SPPL2A: variants seen among roughly 807,000 people sequenced by gnomAD.
SPPL2A encodes signal peptide peptidase-like 2A.
SPPL2A carries 51 observed loss-of-function variants against 63.8 expected under a neutral mutation model. The ratio of observed to expected loss-of-function variants is 0.80; its 90% CI spans 0.64 to 1.01. The LOEUF is 1.01. Ranked by LOEUF, SPPL2A falls within the 50% of genes least tolerant of loss-of-function variation. The probability of loss-of-function intolerance (pLI) is 0.00; values close to 1 mark genes in which losing one functional copy is unlikely to be tolerated. For synonymous variants in SPPL2A, 188 were observed against 205.8 expected, an observed-to-expected ratio of 0.91 and a Z score of 0.74; for missense variants, 553 against 622.7, an observed-to-expected ratio of 0.89 and a Z score of 1.19.
At position 50,722,112 on chromosome 15, in the gene SPPL2A, A is replaced by T; in HGVS notation, c.1327+12T>A. On this transcript the variant is annotated intron_variant, in intron 13 of 14. Transcript: ENST00000261854. ...AATTCAACATTTAATACAAAGAAAAACAAAAATTTACCAACTGTAGACGAA... is the reference window on the plus strand; with the variant it reads ...AATTCAACATTTAATACAAAGAAAATCAAAAATTTACCAACTGTAGACGAA... The T allele has an allele frequency of 6.9e-7, 1 of 1,458,996 alleles. No homozygotes were observed. Among genetic ancestry groups the T allele is most frequent in the Non-Finnish European group, 9.6e-7 (1 of 1,043,876 alleles). 90.4% of individuals were successfully genotyped at this position (1,458,996 alleles called of 1,614,324 possible).
chr15:50,749,673 G>A lies in SPPL2A; in HGVS notation c.140C>T (p.Pro47Leu), dbSNP rs751086619. Residue 47 changes from proline to leucine, a missense_variant, in exon 2 of 15, where the codon CCT (proline) becomes CTT (leucine). Coordinates refer to ENST00000261854, the MANE Select transcript of SPPL2A (RefSeq NM_032802.4). Reference sequence around the variant, plus strand: ...GGTACTTGGAAGAGCTGTCCAATAAGGGTTATAAAGCATGCAGTAGTCCTT... The same window carrying A: ...GGTACTTGGAAGAGCTGTCCAATAAAGGTTATAAAGCATGCAGTAGTCCTT... ...TTKDYCMLYN[P>L]YWTALPSTLE... 1.2e-6 allele frequency: 2 copies of A among 1,611,700 alleles called. No individual in the cohort carries two copies. The highest frequency in any genetic ancestry group is 1.7e-6 in the Non-Finnish European group (2 of 1,177,840).
chr15:50,719,020 A>G (rs944564960), intron 14 of SPPL2A, among the ~76,000 whole-genome samples: 5 of 152,070 alleles, frequency 3.3e-5, no homozygotes, highest in East Asian at 3.9e-4. Flanking sequence ...GGGTTTCCCA[A>G]CTCTTCTTAA....
chr15:50,721,323 C>G (rs34885055), intron 13 of SPPL2A, among the ~76,000 whole-genome samples: 13,306 of 152,172 alleles, frequency 0.087, 734 homozygotes, highest in South Asian at 0.15. Context: ...CATGAGCCAC[C>G]ACGTCTGGCC....
intron 14 of SPPL2A, among the ~76,000 whole-genome samples, chr15:50,709,441 A>G (rs368435179): frequency 6.6e-6 from 1 of 152,336 alleles, no homozygotes. Flanking sequence ...GAAAGAATAC[A>G]ACGTGAGCTA....
At chr15:50,747,179 C>T (rs2062864961) in intron 5 of SPPL2A, among the ~76,000 whole-genome samples, 1 of 152,196 alleles carries the variant, frequency 6.6e-6, no homozygotes, top group African/African-American at 2.4e-5. Flanking sequence ...TGCTTATTTT[C>T]TTCCAATCTA....
rs1035521174 is a variant in SPPL2A at position 50,704,587 on chromosome 15, T to C, written c.*3213A>G. 3 of 151,860 alleles carry C rather than the reference T, an allele frequency of 2.0e-5. No individual in the cohort carries two copies. The highest frequency in any genetic ancestry group is 7.3e-5 in the African/African-American group (3 of 41,366). 9.4% of individuals were successfully genotyped at this position (151,860 alleles called of 1,614,324 possible). Reference sequence around the variant, plus strand: ...ACAGTGTATCATTATTTTAAAGACATGTTTAGGGAAAAAACCAGCTTCTCT... The same window carrying C: ...ACAGTGTATCATTATTTTAAAGACACGTTTAGGGAAAAAACCAGCTTCTCT... On this transcript the variant is annotated 3_prime_UTR_variant, in exon 15 of 15. Coordinates refer to ENST00000261854, the MANE Select transcript of SPPL2A (RefSeq NM_032802.4).
intron 13 of SPPL2A, among the ~76,000 whole-genome samples, chr15:50,720,856 A>G (rs894972996): frequency 1.3e-5 from 2 of 152,094 alleles, no homozygotes. Flanking sequence ...TACTAGGAAC[A>G]TAGGATCTCA....
intron 1 of SPPL2A, among the ~76,000 whole-genome samples, chr15:50,763,895 C>T (rs1186883892): frequency 6.6e-6 from 1 of 151,976 alleles, no homozygotes; most frequent in Non-Finnish European, 1.5e-5. Context: ...GAGACTCCGT[C>T]TCGAAAAAAA....
intron 9 of SPPL2A, among the ~76,000 whole-genome samples, chr15:50,732,260 C>A (rs1287166397): frequency 6.6e-6 from 1 of 151,912 alleles, no homozygotes; most frequent in Non-Finnish European, 1.5e-5. Flanking sequence ...ATACTATAAG[C>A]CTCATCACTA....
intron 1 of SPPL2A, among the ~76,000 whole-genome samples, chr15:50,759,854 T>C (rs1029011092): frequency 6.6e-6 from 1 of 152,208 alleles, no homozygotes; most frequent in African/African-American, 2.4e-5. Context: ...TGATCTAGGA[T>C]AAGTCATAAT....
intron 12 of SPPL2A, among the ~76,000 whole-genome samples, chr15:50,723,505 T>C (rs970001417): frequency 6.6e-6 from 1 of 151,772 alleles, no homozygotes; most frequent in African/African-American, 2.4e-5. Flanking sequence ...TGAGACAGAG[T>C]CTCACTGTCA....
chr15:50,748,685 T>C lies in SPPL2A; in HGVS notation c.360+3A>G, dbSNP rs2062879331. The C allele has an allele frequency of 6.4e-7, 1 of 1,565,328 alleles. No individual in the cohort carries two copies. The highest frequency in any genetic ancestry group is 1.4e-5 in the African/African-American group (1 of 72,014). On this transcript the variant is annotated splice_donor_region_variant and intron_variant, in intron 3 of 14. Coordinates refer to ENST00000261854, the MANE Select transcript of SPPL2A (RefSeq NM_032802.4). ...ATAAGATATGATTGTTTTTATAACT[T>C]ACTAGGACACTGTTATTGACAACTA...
Position 50,746,096 on chromosome 15 carries a change from A to T in SPPL2A, c.584+1399T>A, listed in dbSNP as rs1369145480. On this transcript the variant is annotated intron_variant, in intron 5 of 14. Coordinates refer to ENST00000261854, the MANE Select transcript of SPPL2A (RefSeq NM_032802.4). ...ATAATTTTTAATGTGAGAAATCCTA[A>T]AATTGAGAGATGCCTCAATTTATCC... is the stretch of plus-strand genomic sequence containing the variant. Among the ~76,000 whole-genome samples the T allele has an allele frequency of 2.0e-5, 3 of 151,670 alleles. No homozygotes were observed. In the East Asian group the frequency reaches 5.8e-4, roughly 29 times the overall value.
chr15:50,731,243 A>C (rs2062728883), intron 9 of SPPL2A, among the ~76,000 whole-genome samples: 2 of 152,200 alleles, frequency 1.3e-5, no homozygotes. Context: ...AAAAAAAATC[A>C]CCGAACCAAA....
intron 14 of SPPL2A, among the ~76,000 whole-genome samples, chr15:50,717,219 G>A (rs886579258): frequency 1.3e-5 from 2 of 151,942 alleles, no homozygotes; most frequent in Non-Finnish European, 1.5e-5. Flanking sequence ...TCTGTTGCCC[G>A]GGCTGAGTGC....
intron 9 of SPPL2A, among the ~76,000 whole-genome samples, chr15:50,731,889 C>G (rs1226754478): frequency 3.6e-5 from 5 of 139,214 alleles, no homozygotes; most frequent in Admixed American, 2.4e-4. Flanking sequence ...GATCACACCA[C>G]TGCACTCCAG....
Position 50,739,750 on chromosome 15 carries a change from A to G in SPPL2A, c.663T>C (p.Leu221=), listed in dbSNP as rs757338680. ...KKEEYLTFSP[L]TVVIFVVICC... is the part of the protein sequence containing the mutation. The stretch of plus-strand genomic sequence containing the variant: ...AGATGACCACAAATATTACAACTGT[A>G]AGAGGACTAAAAGTTAAATATTCTT... Residue 221 remains leucine (L), a synonymous_variant, in exon 6 of 15, where the codon CTT becomes CTC. Coordinates refer to ENST00000261854, the MANE Select transcript of SPPL2A (RefSeq NM_032802.4). The G allele has an allele frequency of 1.2e-6, 2 of 1,601,010 alleles. No individual in the cohort carries two copies. Among genetic ancestry groups the G allele is most frequent in the South Asian group, 2.2e-5 (2 of 89,318 alleles).
chr15:50,730,384 C>T (rs551597146), intron 10 of SPPL2A, among the ~76,000 whole-genome samples: 2 of 152,222 alleles, frequency 1.3e-5, no homozygotes, highest in Middle Eastern at 6.8e-3. Flanking sequence ...TCTCTTGACG[C>T]CAGTCCCACA....
chr15:50,757,648 CT>C (rs1218091639), intron 1 of SPPL2A, among the ~76,000 whole-genome samples: 1 of 152,124 alleles, frequency 6.6e-6, no homozygotes, highest in African/African-American at 2.4e-5. Flanking sequence ...GTTCTACTTC[CT>C]TTTTCTCTGA....
Sources: allele counts gnomAD v4.1 joint callset (sites outside exome capture counted in the v4.1 genomes callset), GRCh38; gene constraint gnomAD v4.1.1; transcripts MANE v1.5; gene names NCBI Gene and HGNC (gene_info 2026-07-23, HGNC 2026-07-21).